PTPN13: variants seen among roughly 807,000 people sequenced by gnomAD.
The protein encoded by PTPN13 is tyrosine-protein phosphatase non-receptor type 13.
PTPN13 carries 191 observed loss-of-function variants against 284.0 expected under a neutral mutation model. The observed-to-expected ratio is 0.67, with a 90% CI of 0.60 to 0.76. The LOEUF is 0.76. Among genes scored for constraint, PTPN13 ranks in the 30% least tolerant of loss-of-function variants. The pLI, the probability that PTPN13 is intolerant of heterozygous loss-of-function variation, is 0.00. For missense variants in PTPN13, 2,797 were observed against 2,939.9 expected (o/e 0.95, Z 1.12); for synonymous variants, 986 against 1,022.3 (o/e 0.96, Z 0.68).
chr4:86,650,877 T>A (rs545978687), intron 2 of PTPN13, among the ~76,000 whole-genome samples: 2 of 152,342 alleles, frequency 1.3e-5, no homozygotes, highest in African/African-American at 4.8e-5. Flanking sequence ...AAGAATAATT[T>A]GACTTCTTCT....
At chr4:86,674,638 AT>A (rs1032287117) in intron 3 of PTPN13, among the ~76,000 whole-genome samples, 27 of 152,334 alleles carry the variant, frequency 1.8e-4, no homozygotes, top group African/African-American at 6.0e-4. Context: ...ACAAGCAACC[AT>A]TGAAAGGAGA....
intron 3 of PTPN13, among the ~76,000 whole-genome samples, chr4:86,680,530 A>G (rs759340978): frequency 6.6e-6 from 1 of 152,074 alleles, no homozygotes; most frequent in African/African-American, 2.4e-5. Flanking sequence ...TGCTGGCACT[A>G]TGGTGAAGTT....
chr4:86,618,285 T>C (rs1720811345), intron 1 of PTPN13, among the ~76,000 whole-genome samples: 1 of 152,228 alleles, frequency 6.6e-6, no homozygotes, highest in Non-Finnish European at 1.5e-5. Context: ...CATTGTTCTG[T>C]ATCTCTCTTT....
rs1461222397 is a variant in PTPN13 at position 86,803,239 on chromosome 4, A to G, written c.6506-470A>G. On this transcript the variant is annotated intron_variant, in intron 42 of 47. Coordinates refer to ENST00000411767, the MANE Select transcript of PTPN13 (RefSeq NM_080683.3). Reference sequence around the variant, plus strand: ...ATATATACATATATATTTATTGTGTATATATATAGAATATACACACACACA... The same window carrying G: ...ATATATACATATATATTTATTGTGTGTATATATAGAATATACACACACACA... Among the ~76,000 whole-genome samples, 7 of 150,606 alleles carry G rather than the reference A, an allele frequency of 4.6e-5. No homozygotes were observed. In the East Asian group the frequency reaches 1.2e-3, roughly 25 times the overall value.
intron 1 of PTPN13, among the ~76,000 whole-genome samples, chr4:86,630,072 C>T (rs188628029): frequency 6.6e-6 from 1 of 152,198 alleles, no homozygotes; most frequent in East Asian, 1.9e-4. Flanking sequence ...GGCCATAGTT[C>T]TTAAGCTTTT....
chr4:86,782,182 T>G lies in PTPN13; in HGVS notation c.5963-19T>G, dbSNP rs776208355. 4 of 1,570,604 alleles carry G rather than the reference T, an allele frequency of 2.5e-6. No homozygotes were observed. Among genetic ancestry groups the G allele is most frequent in the Non-Finnish European group, 3.5e-6 (4 of 1,140,658 alleles). On this transcript the variant is annotated intron_variant, in intron 36 of 47. Transcript: ENST00000411767. ...GTTTGGATTGGCTCATCCCCTTACT[T>G]CCTATATTGTCCTTTCAGGTTCCTA...
rs190572300 is a variant in PTPN13, at chr4:86,751,736, A to G, written c.3166+612A>G. Among the ~76,000 whole-genome samples, 37 of 152,300 alleles carry G rather than the reference A, an allele frequency of 2.4e-4. No homozygotes were observed. In the East Asian group the frequency reaches 3.7e-3, roughly 15 times the overall value. On this transcript the variant is annotated intron_variant, in intron 19 of 47. Coordinates refer to ENST00000411767, the MANE Select transcript of PTPN13 (RefSeq NM_080683.3). Reference sequence around the variant, plus strand: ...CAAGCCGATGTGAATGAACTCTGGTAATGCTATAGTTTTGGAGAAGCATTT... The same window carrying G: ...CAAGCCGATGTGAATGAACTCTGGTGATGCTATAGTTTTGGAGAAGCATTT...
intron 1 of PTPN13, among the ~76,000 whole-genome samples, chr4:86,615,801 T>A (rs539189343): frequency 1.5e-4 from 23 of 152,284 alleles, no homozygotes; most frequent in African/African-American, 5.1e-4. Flanking sequence ...AAAGACTACT[T>A]CTTCCAGATG....
intron 2 of PTPN13, among the ~76,000 whole-genome samples, chr4:86,648,434 C>G (rs1262500421): frequency 6.6e-6 from 1 of 152,016 alleles, no homozygotes; most frequent in African/African-American, 2.4e-5. Flanking sequence ...TCCATGAGTT[C>G]AATTTTATTT....
chr4:86,794,482 T>G (rs1743081582), intron 40 of PTPN13, among the ~76,000 whole-genome samples: 1 of 152,110 alleles, frequency 6.6e-6, no homozygotes, highest in Non-Finnish European at 1.5e-5. Context: ...CCAAAGTAAT[T>G]TATAGATTCA....
intron 15 of PTPN13, among the ~76,000 whole-genome samples, chr4:86,739,254 T>C (rs189898148): frequency 2.9e-4 from 44 of 152,298 alleles, no homozygotes; most frequent in African/African-American, 1.1e-3. Flanking sequence ...AGATTATCCT[T>C]TCCACATTAA....
intron 1 of PTPN13, among the ~76,000 whole-genome samples, chr4:86,603,917 C>G (rs1454331062): frequency 6.6e-6 from 1 of 151,956 alleles, no homozygotes; most frequent in African/African-American, 2.4e-5. Context: ...CATTGTTTGA[C>G]ATTTAATTAT....
At chr4:86,659,764 C>G (rs563362434) in intron 2 of PTPN13, among the ~76,000 whole-genome samples, 1 of 151,352 alleles carries the variant, frequency 6.6e-6, no homozygotes, top group Non-Finnish European at 1.5e-5. Context: ...TGCGGTGAGC[C>G]GAGATGGTGA....
chr4:86,689,170 G>C lies in PTPN13; in HGVS notation c.526G>C (p.Val176Leu), dbSNP rs756379443. The change falls in exon 5 of 48, where the codon GTT (valine) becomes CTT (leucine). Residue 176 changes from valine (V) to leucine (L), a missense_variant. Physicochemically the swap from Val to Leu is conservative, Grantham distance 32. Transcript: ENST00000411767. ...CTACGTGAAACACTTGGTAAAACTG[G>C]TTCTGGGAAATCTTTCTGGGGTAAG... ...FSYVKHLVKL[V>L]LGNLSGTDQL... is the part of the protein sequence containing the mutation. 3 of 1,613,140 alleles carry C rather than the reference G, an allele frequency of 1.9e-6. No individual in the cohort carries two copies. The South Asian group carries it at 3.3e-5, about 18-fold the overall frequency.
At position 86,732,606 on chromosome 4, in the gene PTPN13, G is replaced by T; in HGVS notation, c.1698G>T (p.Lys566Asn). Residue 566 changes from lysine to asparagine, a missense_variant, in exon 12 of 48, where the codon AAG (lysine) becomes AAT (asparagine). Physicochemically the swap from Lys to Asn is moderately conservative, Grantham distance 94. Coordinates refer to ENST00000411767, the MANE Select transcript of PTPN13 (RefSeq NM_080683.3). ...TTCAATTGTAGACTAAGAAAGGGAA[G>T]AATGAGGATAACCGAAGGAAAGTAA... ...LPRSILTKKG[K>N]NEDNRRKVNI... is the part of the protein sequence containing the mutation. The T allele has an allele frequency of 1.2e-6, 2 of 1,612,892 alleles. No homozygotes were observed. Among genetic ancestry groups the T allele is most frequent in the Middle Eastern group, 1.7e-4 (1 of 6,048 alleles).
At chr4:86,784,691 A>T (rs1436200626) in intron 38 of PTPN13, 133 bp downstream of exon 38, 1 of 625,092 alleles carries the variant, frequency 1.6e-6, no homozygotes, top group Admixed American at 3.5e-5. Context: ...TTGGTCAAAT[A>T]AACAAAAGAA....
Position 86,785,309 on chromosome 4 carries a change from A to G in PTPN13, c.6197A>G (p.Asp2066Gly). 1 of 1,610,714 alleles carries G rather than the reference A, an allele frequency of 6.2e-7. No homozygotes were observed. Among genetic ancestry groups the G allele is most frequent in the Non-Finnish European group, 8.5e-7 (1 of 1,177,708 alleles). The change falls in exon 39 of 48, where the codon GAT becomes GGT. Residue 2066 changes from aspartate to glycine, a missense_variant. Asp to Gly is a moderately conservative substitution (Grantham distance 94, BLOSUM62 -1). Transcript: ENST00000411767. Reference protein sequence around the residue: ...EVIQSLLDVVDEEAQNLLNEN... With the variant: ...EVIQSLLDVVGEEAQNLLNEN... ...ATCCAGTCTCTGCTGGATGTTGTGG[A>G]TGAGGAAGCCCAGAATCTTTTAAAC...
intron 1 of PTPN13, among the ~76,000 whole-genome samples, chr4:86,607,615 A>G (rs986476178): frequency 6.6e-6 from 1 of 152,014 alleles, no homozygotes; most frequent in South Asian, 2.1e-4. Context: ...CCAGTCAGCT[A>G]TCATAACTGT....
chr4:86,671,340 A>G (rs1727702293), intron 2 of PTPN13, among the ~76,000 whole-genome samples: 1 of 152,190 alleles, frequency 6.6e-6, no homozygotes, highest in African/African-American at 2.4e-5. Context: ...TGACAGAGTG[A>G]TATCAGTATA....
Sources: gnomAD v4.1 joint callset for allele counts (sites outside exome capture counted in the v4.1 genomes callset) on GRCh38, gnomAD v4.1.1 for gene constraint, MANE v1.5 for transcripts, NCBI Gene and HGNC (gene_info 2026-07-23, HGNC 2026-07-21) for gene names.